The following BMP7 variants were observed in gnomAD, a reference collection of about 807,000 sequenced individuals.
The protein encoded by BMP7 is bone morphogenetic protein 7.
A neutral mutation model predicts 41.2 loss-of-function variants in BMP7; 12 were observed. The ratio of observed to expected loss-of-function variants is 0.29; its 90% CI spans 0.19 to 0.47. The LOEUF (loss-of-function observed/expected upper bound fraction) is 0.47. Ranked by LOEUF, BMP7 falls within the 20% of genes least tolerant of loss-of-function variation. The probability of loss-of-function intolerance (pLI) is 0.99; values close to 1 mark genes in which losing one functional copy is unlikely to be tolerated. For missense variants in BMP7, 467 were observed against 606.0 expected (o/e 0.77, Z 2.41); for synonymous variants, 248 against 250.0 (o/e 0.99, Z 0.07).
chr20:57,192,815 G>A (rs1026785567), intron 3 of BMP7, among the ~76,000 whole-genome samples: 1 of 151,222 alleles, frequency 6.6e-6, no homozygotes, highest in Non-Finnish European at 1.5e-5. Context: ...AACATATAAT[G>A]TTTGCAATAC....
At chr20:57,179,688 G>A (rs1044493504) in intron 4 of BMP7, among the ~76,000 whole-genome samples, 6 of 152,260 alleles carry the variant, frequency 3.9e-5, no homozygotes, top group African/African-American at 1.4e-4. Context: ...CGATTCAAAG[G>A]GGCAGGCACA....
At chr20:57,265,042 A>AAAAAAAAAAAG (rs1555819055) in intron 1 of BMP7, among the ~76,000 whole-genome samples, 82 of 120,114 alleles carry the variant, frequency 6.8e-4, no homozygotes, top group South Asian at 9.9e-4. Flanking sequence ...AAAAAAAAAA[A>AAAAAAAAAAAG]AAAAGAAAAG....
At chr20:57,183,136 G>A (rs1306219616) in intron 4 of BMP7, among the ~76,000 whole-genome samples, 1 of 152,088 alleles carries the variant, frequency 6.6e-6, no homozygotes, top group Non-Finnish European at 1.5e-5. Flanking sequence ...TCGGGAGGCT[G>A]AGGCTGAAGA....
intron 3 of BMP7, among the ~76,000 whole-genome samples, chr20:57,190,341 A>C (rs1167823080): frequency 6.7e-6 from 1 of 149,978 alleles, no homozygotes; most frequent in African/African-American, 2.5e-5. Flanking sequence ...GGCTGGAGAC[A>C]GTGAGCGAGG....
At chr20:57,176,903 G>T (rs1449283510) in intron 4 of BMP7, among the ~76,000 whole-genome samples, 1 of 152,140 alleles carries the variant, frequency 6.6e-6, no homozygotes, top group East Asian at 1.9e-4. Context: ...TGATTCATGA[G>T]AATTCTATCT....
chr20:57,173,351 C>T lies in BMP7; in HGVS notation c.1036-41G>A, dbSNP rs541901559. The T allele has an allele frequency of 1.9e-6, 3 of 1,584,976 alleles. No individual in the cohort carries two copies. The South Asian group carries it at 3.3e-5, about 18-fold the overall frequency. On this transcript the variant is annotated intron_variant, in intron 5 of 6. Transcript: ENST00000395863. ...GAGTGTGGGAAACCATGCAGAAGGC[C>T]TGAGCCACAGCATCCCAACCCCCAT...
chr20:57,247,239 C>T (rs376233464), intron 1 of BMP7, among the ~76,000 whole-genome samples: 1 of 152,132 alleles, frequency 6.6e-6, no homozygotes, highest in East Asian at 1.9e-4. Flanking sequence ...GAGCCTCCCC[C>T]CAACAATTGT....
intron 1 of BMP7, among the ~76,000 whole-genome samples, chr20:57,232,242 A>C (rs752311496): frequency 7.9e-5 from 12 of 152,054 alleles, no homozygotes; most frequent in Non-Finnish European, 1.8e-4. Context: ...TTTCTCATGG[A>C]GTTGTTGGGA....
intron 1 of BMP7, among the ~76,000 whole-genome samples, chr20:57,243,357 T>C (rs1003443433): frequency 6.6e-6 from 1 of 151,822 alleles, no homozygotes; most frequent in Non-Finnish European, 1.5e-5. Context: ...TGCATTCCTG[T>C]TCTCCCAGCT....
At chr20:57,236,931 A>C (rs2066050082) in intron 1 of BMP7, among the ~76,000 whole-genome samples, 1 of 152,238 alleles carries the variant, frequency 6.6e-6, no homozygotes, top group Admixed American at 6.5e-5. Context: ...ATAGTAAATA[A>C]TCACCCAGCA....
intron 3 of BMP7, among the ~76,000 whole-genome samples, chr20:57,191,708 G>A (rs1180612402): frequency 4.9e-5 from 7 of 144,138 alleles, no homozygotes; most frequent in African/African-American, 1.3e-4. Flanking sequence ...TCCAGCCTGG[G>A]TGACAGAGTG....
chr20:57,190,893 G>A (rs1017827335), intron 3 of BMP7, among the ~76,000 whole-genome samples: 3 of 152,186 alleles, frequency 2.0e-5, no homozygotes, highest in African/African-American at 2.4e-5. Flanking sequence ...CCACTCCAGC[G>A]CAGTGGGCAT....
At chr20:57,230,304 A>T (rs1211392800) in intron 1 of BMP7, among the ~76,000 whole-genome samples, 1 of 152,102 alleles carries the variant, frequency 6.6e-6, no homozygotes, top group Non-Finnish European at 1.5e-5. Flanking sequence ...AGAAGGTAGG[A>T]GTCTCCGTAA....
rs1343508200 is a variant in BMP7, at chr20:57,169,353, C to T, written c.*1606G>A. Reference sequence around the variant, plus strand: ...AACGTTTGCAGACAGTCTAGCCCTCCCCTAGGCCTTGTGTTTGTGGCCGGA... The same window carrying T: ...AACGTTTGCAGACAGTCTAGCCCTCTCCTAGGCCTTGTGTTTGTGGCCGGA... On this transcript the variant is annotated 3_prime_UTR_variant, in exon 7 of 7. Transcript: ENST00000395863. 1 of 152,250 alleles carries T rather than the reference C, an allele frequency of 6.6e-6. No individual in the cohort carries two copies. The highest frequency in any genetic ancestry group is 2.4e-5 in the African/African-American group (1 of 41,460). 9.4% of individuals were successfully genotyped at this position (152,250 alleles called of 1,614,324 possible). A position where few individuals can be genotyped will look rare whatever the true frequency, so the allele number is the denominator to read the frequency against.
rs932075239 is a variant in BMP7, at chr20:57,215,386, G to C, written c.612-12763C>G. 1.3e-5 allele frequency: 2 copies of C among 152,282 alleles called. No individual in the cohort carries two copies. Among genetic ancestry groups the C allele is most frequent in the African/African-American group, 4.8e-5 (2 of 41,462 alleles). 9.4% of individuals were successfully genotyped at this position (152,282 alleles called of 1,614,324 possible). ...CAGGTGGGCAGAAAGCAACAGCTGG[G>C]AAGAAAGCACATCTCACATTTCCTT... On this transcript the variant is annotated intron_variant, in intron 2 of 6. Transcript: ENST00000395863. This position sits in a 1 kb window ranked among gnomAD's most constrained non-coding sequence, Gnocchi z 4.2.
chr20:57,204,206 G>T (rs4811824), intron 2 of BMP7, among the ~76,000 whole-genome samples: 62,238 of 152,022 alleles, frequency 0.41, 14,678 homozygotes, highest in South Asian at 0.56. Context: ...CTAAGCCACG[G>T]GCAGGAGCCG....
At chr20:57,202,969 G>C (rs1187206084) in intron 2 of BMP7, among the ~76,000 whole-genome samples, 1 of 152,186 alleles carries the variant, frequency 6.6e-6, no homozygotes, top group Non-Finnish European at 1.5e-5. Context: ...GAGAGCAGAA[G>C]TTGATAGTGA....
intron 3 of BMP7, among the ~76,000 whole-genome samples, chr20:57,199,233 C>T (rs761109016): frequency 6.6e-6 from 1 of 152,160 alleles, no homozygotes; most frequent in Non-Finnish European, 1.5e-5. Context: ...CAGGATCTGG[C>T]AGGGGAGGGT....
intron 3 of BMP7, among the ~76,000 whole-genome samples, chr20:57,188,730 G>A (rs765833521): frequency 3.3e-5 from 5 of 152,138 alleles, no homozygotes; most frequent in Non-Finnish European, 5.9e-5. Flanking sequence ...CGCAGTGTCT[G>A]GCTGTTTACC....
Sources: allele counts gnomAD v4.1 joint callset (sites outside exome capture counted in the v4.1 genomes callset), GRCh38; gene constraint gnomAD v4.1.1; non-coding constraint Gnocchi (gnomAD v3.1); transcripts MANE v1.5; gene names NCBI Gene and HGNC (gene_info 2026-07-23, HGNC 2026-07-21).